The following SAMD12 variants were observed in gnomAD, a reference collection of about 807,000 sequenced individuals.
SAMD12 encodes sterile alpha motif domain-containing protein 12.
In SAMD12, 9 loss-of-function variants were observed where a neutral mutation model predicts 15.0. That is an observed-to-expected ratio of 0.60 (90% CI 0.36 to 1.05). SAMD12 has a LOEUF of 1.05. Ranked by LOEUF, SAMD12 falls within the 50% of genes least tolerant of loss-of-function variation. SAMD12 has a pLI of 0.01. For synonymous variants in SAMD12, 86 were observed against 90.1 expected, an observed-to-expected ratio of 0.96 and a Z score of 0.25; for missense variants, 230 against 234.2, an observed-to-expected ratio of 0.98 and a Z score of 0.12.
At chr8:118,367,649 G>A (rs1359542103) in intron 4 of SAMD12, among the ~76,000 whole-genome samples, 1 of 152,142 alleles carries the variant, frequency 6.6e-6, no homozygotes, top group Non-Finnish European at 1.5e-5. Context: ...GAGTTCTGCA[G>A]GGGCAGACAT....
At chr8:118,480,037 C>T (rs75978098) in intron 2 of SAMD12, among the ~76,000 whole-genome samples, 19,675 of 152,138 alleles carry the variant, frequency 0.13, 1,475 homozygotes, top group Non-Finnish European at 0.16. Flanking sequence ...GCATATAAAA[C>T]AAAGAAAAAA....
At chr8:118,304,078 G>A (rs1403256162) in intron 4 of SAMD12, among the ~76,000 whole-genome samples, 1 of 152,114 alleles carries the variant, frequency 6.6e-6, no homozygotes. Context: ...GATGCCTTGT[G>A]GGCCCGGGTT....
intron 4 of SAMD12, among the ~76,000 whole-genome samples, chr8:118,292,349 G>GACACACACACACAC (rs3052706): frequency 0.022 from 3,087 of 137,654 alleles, 175 homozygotes; most frequent in East Asian, 0.17. Flanking sequence ...CAAACACACA[G>GACACACACACACAC]ACACACACAC....
At position 118,604,959 on chromosome 8, in the gene SAMD12, T is replaced by G. The variant is rs957311107; in HGVS notation, c.13+16845A>C. Among the ~76,000 whole-genome samples, 3 of 151,946 alleles carry G rather than the reference T, an allele frequency of 2.0e-5. No homozygotes were observed. In the South Asian group the frequency reaches 6.2e-4, roughly 32 times the overall value. ...AAAATAAAAATAAATAAATAAAATGTCATGAAAATAATCAAGTAAAAGTAA... is the reference window on the plus strand; with the variant it reads ...AAAATAAAAATAAATAAATAAAATGGCATGAAAATAATCAAGTAAAAGTAA... On this transcript the variant is annotated intron_variant, in intron 1 of 3. Coordinates refer to ENST00000314727, the MANE Select transcript of SAMD12 (RefSeq NM_207506.3).
chr8:118,154,022 T>G, the SAMD12 span, among the ~76,000 whole-genome samples: 1 of 152,054 alleles, frequency 6.6e-6, no homozygotes, highest in African/African-American at 2.4e-5. Flanking sequence ...ACTGATCTGC[T>G]GTCACTGTCC....
chr8:118,231,207 G>A (rs1563706646), intron 4 of SAMD12, among the ~76,000 whole-genome samples: 1 of 152,152 alleles, frequency 6.6e-6, no homozygotes, highest in Non-Finnish European at 1.5e-5. Flanking sequence ...TTTCAACTCT[G>A]TGCTACAGCA....
intron 2 of SAMD12, among the ~76,000 whole-genome samples, chr8:118,548,130 G>A (rs765965211): frequency 6.6e-6 from 1 of 152,160 alleles, no homozygotes; most frequent in African/African-American, 2.4e-5. Flanking sequence ...CACAGAGAAT[G>A]GACAAGCATC....
chr8:118,536,447 C>A (rs13261971), intron 2 of SAMD12, among the ~76,000 whole-genome samples: 6,101 of 140,702 alleles, frequency 0.043, 262 homozygotes, highest in African/African-American at 0.12. Flanking sequence ...TACACAAACA[C>A]ACACACACAC....
the SAMD12 span, among the ~76,000 whole-genome samples, chr8:118,144,164 G>A: frequency 6.6e-5 from 10 of 152,126 alleles, no homozygotes; most frequent in African/African-American, 1.9e-4. Context: ...GGATTCGGGC[G>A]AGGATCTCTG....
intron 4 of SAMD12, among the ~76,000 whole-genome samples, chr8:118,246,476 A>G (rs1812701254): frequency 6.6e-6 from 1 of 152,198 alleles, no homozygotes; most frequent in African/African-American, 2.4e-5. Flanking sequence ...AGCCAGGAAG[A>G]CAGGGTCAAG....
chr8:118,523,772 G>C (rs920801869), intron 2 of SAMD12, among the ~76,000 whole-genome samples: 1 of 152,056 alleles, frequency 6.6e-6, no homozygotes, highest in Non-Finnish European at 1.5e-5. Context: ...CCCTTCTGTA[G>C]CATCTACTCT....
At chr8:118,243,121 G>A (rs896876046) in intron 4 of SAMD12, among the ~76,000 whole-genome samples, 1 of 152,144 alleles carries the variant, frequency 6.6e-6, no homozygotes, top group African/African-American at 2.4e-5. Context: ...GCATCAAATA[G>A]AACCTTGAGC....
intron 4 of SAMD12, among the ~76,000 whole-genome samples, chr8:118,300,712 ATTAGAG>A (rs968832968): frequency 1.3e-5 from 2 of 152,212 alleles, no homozygotes; most frequent in African/African-American, 4.8e-5. Flanking sequence ...TCCAATGTAC[ATTAGAG>A]TTAAAGAACT....
At chr8:118,377,090 GACATA>G (rs1421153628), downstream of SAMD12, among the ~76,000 whole-genome samples, 5 of 151,908 alleles carry the variant, frequency 3.3e-5, no homozygotes, top group Admixed American at 1.3e-4. Flanking sequence ...AAGGATGCCT[GACATA>G]ACATGAGTTT....
intron 1 of SAMD12, among the ~76,000 whole-genome samples, chr8:118,592,017 C>T: frequency 6.6e-6 from 1 of 151,980 alleles, no homozygotes; most frequent in East Asian, 1.9e-4. Context: ...TGTTTAAGGC[C>T]ACCATAAAAA....
At chr8:118,544,947 T>C (rs572008085) in intron 2 of SAMD12, among the ~76,000 whole-genome samples, 2 of 152,304 alleles carry the variant, frequency 1.3e-5, no homozygotes, top group Non-Finnish European at 1.5e-5. Flanking sequence ...GGCAAAGTAG[T>C]GACTGGAAGT....
At chr8:118,257,990 C>T (rs956301954) in intron 4 of SAMD12, among the ~76,000 whole-genome samples, 7 of 152,070 alleles carry the variant, frequency 4.6e-5, no homozygotes, top group Non-Finnish European at 8.8e-5. Flanking sequence ...TTCCTTGCTA[C>T]GGCAGACAGA....
At chr8:118,279,053 T>G (rs1813541639) in intron 4 of SAMD12, among the ~76,000 whole-genome samples, 1 of 152,150 alleles carries the variant, frequency 6.6e-6, no homozygotes, top group African/African-American at 2.4e-5. Context: ...AATCTGGGCA[T>G]TCAGGAAAAA....
intron 4 of SAMD12, among the ~76,000 whole-genome samples, chr8:118,270,440 A>G (rs1401653408): frequency 6.6e-6 from 1 of 152,174 alleles, no homozygotes; most frequent in Non-Finnish European, 1.5e-5. Context: ...AGACTTTAGT[A>G]CCAGCAATAT....
Sources: gnomAD v4.1 joint callset for allele counts (sites outside exome capture counted in the v4.1 genomes callset) on GRCh38, gnomAD v4.1.1 for gene constraint, MANE v1.5 for transcripts, NCBI Gene and HGNC (gene_info 2026-07-23, HGNC 2026-07-21) for gene names.